The following PCDH10 variants were observed in gnomAD, a reference collection of about 807,000 sequenced individuals.
PCDH10 encodes protocadherin 10.
Under a neutral mutation model 74.4 loss-of-function variants are expected in PCDH10, and 15 were observed. The ratio of observed to expected loss-of-function variants is 0.20; its 90% confidence interval spans 0.13 to 0.31. The LOEUF is 0.31. Ranked by LOEUF, PCDH10 falls within the 10% of genes least tolerant of loss-of-function variation. PCDH10 has a pLI of 1.00. For missense variants in PCDH10, 1,260 were observed against 1,390.2 expected, an observed-to-expected ratio of 0.91 and a Z score of 1.49; for synonymous variants, 619 against 589.8, an observed-to-expected ratio of 1.05 and a Z score of -0.72.
At chr4:133,206,832 T>G (rs1728015984) in intron 2 of PCDH10, among the ~76,000 whole-genome samples, 1 of 152,148 alleles carries the variant, frequency 6.6e-6, no homozygotes, top group Admixed American at 6.6e-5. Context: ...CAGAATGTCA[T>G]GAGGAAATTT....
chr4:133,202,519 T>C (rs1258496822), intron 2 of PCDH10, among the ~76,000 whole-genome samples: 1 of 152,126 alleles, frequency 6.6e-6, no homozygotes, highest in Admixed American at 6.5e-5. Context: ...AGGCCTTGTA[T>C]TGTGGCCCTA....
intron 4 of PCDH10, among the ~76,000 whole-genome samples, chr4:133,164,362 T>C (rs1727036569): frequency 6.6e-6 from 1 of 152,022 alleles, no homozygotes; most frequent in Non-Finnish European, 1.5e-5. Flanking sequence ...GCCTCTGAAA[T>C]TGAATTCTGG....
At chr4:133,207,833 C>T (rs564071287) in intron 2 of PCDH10, among the ~76,000 whole-genome samples, 1 of 152,186 alleles carries the variant, frequency 6.6e-6, no homozygotes, top group African/African-American at 2.4e-5. Context: ...TTTAACATGA[C>T]TGTGTTTATG....
chr4:133,168,221 T>C (rs1231738259), intron 4 of PCDH10, among the ~76,000 whole-genome samples: 1 of 151,322 alleles, frequency 6.6e-6, no homozygotes, highest in Non-Finnish European at 1.5e-5. Context: ...AAGTGAAAGG[T>C]ATAAAAATCT....
At chr4:133,159,132 G>GA (rs963605286) in intron 3 of PCDH10, among the ~76,000 whole-genome samples, 19 of 151,900 alleles carry the variant, frequency 1.3e-4, no homozygotes, top group South Asian at 2.1e-4. Flanking sequence ...ATCATATTTG[G>GA]AAAAAAATAA....
chr4:133,188,585 C>T (rs1487270999), intron 4 of PCDH10, among the ~76,000 whole-genome samples: 1 of 149,896 alleles, frequency 6.7e-6, no homozygotes, highest in Non-Finnish European at 1.5e-5. Flanking sequence ...ACTTTCAATA[C>T]TAGTTATTAT....
chr4:133,185,801 T>C (rs1440098081), intron 4 of PCDH10, among the ~76,000 whole-genome samples: 3 of 152,140 alleles, frequency 2.0e-5, no homozygotes, highest in Non-Finnish European at 2.9e-5. Context: ...ATGTATTGCT[T>C]TAGTTTCTGC....
chr4:133,154,457 T>C, intron 2 of PCDH10, 92 bp downstream of exon 2: 1 of 688,806 alleles, frequency 1.5e-6, no homozygotes, highest in Admixed American at 3.1e-5. Flanking sequence ...AAAATTGAAA[T>C]GTATAAAATA....
At position 133,193,172 on chromosome 4, in the gene PCDH10, C is replaced by G. The variant is rs1400956317; in HGVS notation, c.*3012C>G. On this transcript the variant is annotated 3_prime_UTR_variant, in exon 5 of 5. Transcript: ENST00000264360. ...AAATATTTCATCCACATGTAGAATT[C>G]TAATTTTTAACGTGTGAACATAGTT... 6.6e-6 allele frequency: 1 copy of G among 151,522 alleles called. No homozygotes were observed. Among genetic ancestry groups the G allele is most frequent in the African/African-American group, 2.4e-5 (1 of 41,358 alleles). The allele number at this position is 151,522 out of a possible 1,614,324, so 9.4% of individuals were successfully genotyped here. A position where few individuals can be genotyped will look rare whatever the true frequency, so the allele number is the denominator to read the frequency against.
intron 3 of PCDH10, among the ~76,000 whole-genome samples, chr4:133,158,285 T>C (rs897614515): frequency 1.3e-5 from 2 of 152,186 alleles, no homozygotes; most frequent in Non-Finnish European, 2.9e-5. Context: ...GAGGTATATC[T>C]AAAGTGATCT....
chr4:133,205,881 T>C (rs570956170), intron 2 of PCDH10, among the ~76,000 whole-genome samples: 1 of 152,154 alleles, frequency 6.6e-6, no homozygotes, highest in South Asian at 2.1e-4. Flanking sequence ...TTTTATCCAA[T>C]ATATTGATGA....
chr4:133,205,815 T>G (rs1474644331), intron 2 of PCDH10, among the ~76,000 whole-genome samples: 1 of 152,134 alleles, frequency 6.6e-6, no homozygotes, highest in African/African-American at 2.4e-5. Flanking sequence ...TTCTTCTTGT[T>G]TTCAGAATGT....
chr4:133,195,215 C>T (rs1015523574), downstream of PCDH10, among the ~76,000 whole-genome samples: 1 of 152,074 alleles, frequency 6.6e-6, no homozygotes, highest in Non-Finnish European at 1.5e-5. Context: ...ATAGAAGAAA[C>T]GTTCTTCTTA....
In PCDH10 at chr4:133,154,992, T is replaced by C. The variant is rs770231032; in HGVS notation, c.2766T>C (p.Asp922=). ...GAGACAGTGAACAGGGAGATAGTGA[T>C]CATGATGCCACCAACCGTGCCCAGT... The part of the protein sequence containing the change: ...GHGDSEQGDS[D]HDATNRAQSA... The change falls in exon 3 of 5, where the codon GAT becomes GAC. Residue 922 remains aspartate, a synonymous_variant. Coordinates refer to ENST00000264360, the MANE Select transcript of PCDH10 (RefSeq NM_032961.3). 8 of 1,613,288 alleles carry C rather than the reference T, an allele frequency of 5.0e-6. No individual in the cohort carries two copies. The highest frequency in any genetic ancestry group is 6.8e-6 in the Non-Finnish European group (8 of 1,179,216).
chr4:133,196,361 A>G (rs1422763839), downstream of PCDH10, among the ~76,000 whole-genome samples: 1 of 152,118 alleles, frequency 6.6e-6, no homozygotes, highest in Non-Finnish European at 1.5e-5. Context: ...AGGAAATAGA[A>G]GCTGTTAAGC....
intron 4 of PCDH10, among the ~76,000 whole-genome samples, chr4:133,169,687 A>G (rs913764419): frequency 6.6e-6 from 1 of 151,936 alleles, no homozygotes; most frequent in African/African-American, 2.4e-5. Context: ...TTCCTGCCTC[A>G]TCATACTGAA....
At chr4:133,200,526 A>T (rs531634814) in intron 2 of PCDH10, among the ~76,000 whole-genome samples, 1 of 152,338 alleles carries the variant, frequency 6.6e-6, no homozygotes, top group South Asian at 2.1e-4. Context: ...TTTTTGAAGA[A>T]GTCTTAACAC....
chr4:133,152,552 A>G lies in PCDH10; in HGVS notation c.2412A>G (p.Ile804Met), dbSNP rs373196596. 9.9e-6 allele frequency: 16 copies of G among 1,614,126 alleles called. No individual in the cohort carries two copies. In the African/African-American group the frequency reaches 1.9e-4, roughly 19 times the overall value. Reference sequence around the variant, plus strand: ...CCAGTAACCCGGCCCAGGTGCCGATAGAGGAGTCCGGGGGCTTTGGCTCCC... The same window carrying G: ...CCAGTAACCCGGCCCAGGTGCCGATGGAGGAGTCCGGGGGCTTTGGCTCCC... ...NVPSNPAQVPIEESGGFGSHH... is the reference protein window; with the variant it reads ...NVPSNPAQVPMEESGGFGSHH... The change falls in exon 1 of 5, where the codon ATA becomes ATG. Residue 804 changes from isoleucine (I) to methionine (M), a missense_variant. By Grantham distance (10) the Ile-to-Met change is conservative. Coordinates refer to ENST00000264360, the MANE Select transcript of PCDH10 (RefSeq NM_032961.3).
At chr4:133,164,962 CAT>C (rs1727047261) in intron 4 of PCDH10, among the ~76,000 whole-genome samples, 1 of 147,394 alleles carries the variant, frequency 6.8e-6, no homozygotes, top group Non-Finnish European at 1.5e-5. Context: ...TATATATACA[CAT>C]ATATTCATTA....
Sources: allele counts gnomAD v4.1 joint callset (sites outside exome capture counted in the v4.1 genomes callset), GRCh38; gene constraint gnomAD v4.1.1; transcripts MANE v1.5; gene names NCBI Gene and HGNC (gene_info 2026-07-23, HGNC 2026-07-21).